PCLAF: variants seen among roughly 807,000 people sequenced by gnomAD.
PCLAF encodes the protein PCNA clamp associated factor.
In PCLAF, 12 loss-of-function variants were observed where a neutral mutation model predicts 15.1. The ratio of observed to expected loss-of-function variants is 0.79; its 90% CI spans 0.51 to 1.29. The LOEUF is 1.29. Ranked by LOEUF, PCLAF falls within the 50% of genes most tolerant of loss-of-function variation. The pLI is 0.00. For missense variants in PCLAF, 116 were observed against 130.9 expected (o/e 0.89, Z 0.56); for synonymous variants, 33 against 47.1 (o/e 0.70, Z 1.22).
At position 64,365,425 on chromosome 15, in the gene PCLAF, A is replaced by G. The variant is rs1898991117; in HGVS notation, c.*605T>C. 6.5e-6 allele frequency: 1 copy of G among 153,292 alleles called. No homozygotes were observed. Among genetic ancestry groups the G allele is most frequent in the Non-Finnish European group, 1.5e-5 (1 of 68,926 alleles). The allele number at this position is 153,292 out of a possible 1,614,324, so 9.5% of individuals were successfully genotyped here. On this transcript the variant is annotated 3_prime_UTR_variant, in exon 4 of 4. Transcript: ENST00000300035. Reference sequence around the variant, plus strand: ...ACTGTGCCCACCATGATTCTATCCTAGTATTTTATCTTTTTTCTTGTTGTT... The same window carrying G: ...ACTGTGCCCACCATGATTCTATCCTGGTATTTTATCTTTTTTCTTGTTGTT...
upstream of PCLAF, chr15:64,382,849 G>T (rs140081232): frequency 1.4e-3 from 386 of 281,040 alleles, 1 homozygote; most frequent in African/African-American, 8.5e-3. Flanking sequence ...AAAATTAGCT[G>T]GGAGTGGCGG....
chr15:64,375,040 C>T lies in PCLAF; in HGVS notation c.290+1703G>A, dbSNP rs116368547. Among the ~76,000 whole-genome samples, 1,268 of 152,134 alleles carry T rather than the reference C, an allele frequency of 8.3e-3. 19 individuals are homozygous for T. Among genetic ancestry groups the T allele is most frequent in the African/African-American group, 0.029 (1,190 of 41,510 alleles). ...ACAGAGAAGTTGTAAAGACAATACA[C>T]CATGGTATTATTCCTAGTTGGTTCT... On this transcript the variant is annotated intron_variant, in intron 3 of 3. Coordinates refer to ENST00000300035, the MANE Select transcript of PCLAF (RefSeq NM_014736.6).
At chr15:64,377,043 T>A in intron 2 of PCLAF, 138 bp from the exon 3 acceptor site, 1 of 663,868 alleles carries the variant, frequency 1.5e-6, no homozygotes, top group East Asian at 2.8e-5. Context: ...ACTTAAAGAA[T>A]TAGAAAATGT....
intron 3 of PCLAF, chr15:64,373,805 G>A (rs768253538): frequency 3.5e-5 from 53 of 1,530,668 alleles, no homozygotes; most frequent in Non-Finnish European, 4.5e-5. Flanking sequence ...TATATTCAAG[G>A]GGCATCATAA....
intron 3 of PCLAF, among the ~76,000 whole-genome samples, chr15:64,368,327 C>T (rs1485119688): frequency 6.6e-6 from 1 of 151,948 alleles, no homozygotes; most frequent in African/African-American, 2.4e-5. Flanking sequence ...GTAAAAAAAA[C>T]AAAAACAAAA....
chr15:64,369,347 C>A (rs1472907631), intron 3 of PCLAF, among the ~76,000 whole-genome samples: 3 of 104,010 alleles, frequency 2.9e-5, no homozygotes, highest in South Asian at 3.0e-4. Flanking sequence ...AGTAACAGAG[C>A]AAAATCCTGT....
upstream of PCLAF, among the ~76,000 whole-genome samples, chr15:64,385,767 C>G (rs1336268896): frequency 1.3e-5 from 2 of 152,078 alleles, no homozygotes; most frequent in Non-Finnish European, 2.9e-5. Context: ...GATCTGCTCT[C>G]AATGTGAGCG....
At chr15:64,372,790 G>T (rs1265013771) in intron 3 of PCLAF, among the ~76,000 whole-genome samples, 1 of 152,120 alleles carries the variant, frequency 6.6e-6, no homozygotes, top group Non-Finnish European at 1.5e-5. Context: ...TGGCCAACAT[G>T]GTGAATCCCA....
upstream of PCLAF, chr15:64,381,564 T>G: frequency 6.9e-7 from 1 of 1,440,662 alleles, no homozygotes; most frequent in Non-Finnish European, 9.2e-7. Context: ...CAATGCCCAG[T>G]GGTGACAGCG....
chr15:64,379,217 C>G (rs753839109), intron 2 of PCLAF, among the ~76,000 whole-genome samples: 2 of 152,074 alleles, frequency 1.3e-5, no homozygotes, highest in Non-Finnish European at 2.9e-5. Flanking sequence ...TGGCTCACGT[C>G]TGTAATCCCA....
At chr15:64,377,389 C>A (rs1283738396) in intron 2 of PCLAF, among the ~76,000 whole-genome samples, 1 of 146,018 alleles carries the variant, frequency 6.8e-6, no homozygotes, top group African/African-American at 2.5e-5. Flanking sequence ...ATCACTTGAA[C>A]CAGCGAGTCG....
chr15:64,366,949 G>T (rs575106451), intron 3 of PCLAF, among the ~76,000 whole-genome samples: 1 of 151,706 alleles, frequency 6.6e-6, no homozygotes, highest in Non-Finnish European at 1.5e-5. Context: ...CTCCAGCCTC[G>T]GGGACAGAGA....
At position 64,381,272 on chromosome 15, in the gene PCLAF, C is replaced by T. The variant is rs559409372; in HGVS notation, c.46+54G>A. ...GACCTCTGGCGTCTGTCGCCCGTGG[C>T]CAGGCTGCCGGGAGGACCCCCCCGC... is the stretch of plus-strand genomic sequence containing the variant. On this transcript the variant is annotated intron_variant, in intron 1 of 3. Coordinates refer to ENST00000300035, the MANE Select transcript of PCLAF (RefSeq NM_014736.6). The T allele has an allele frequency of 6.2e-5, 100 of 1,603,118 alleles. 1 individual carries two copies. The East Asian group carries it at 2.1e-3, about 33-fold the overall frequency.
At chr15:64,379,985 T>C (rs1278277746) in intron 2 of PCLAF, among the ~76,000 whole-genome samples, 1 of 152,120 alleles carries the variant, frequency 6.6e-6, no homozygotes, top group Non-Finnish European at 1.5e-5. Context: ...TTAGTAGACA[T>C]TGCAATGAGC....
intron 2 of PCLAF, among the ~76,000 whole-genome samples, chr15:64,378,036 T>C (rs1341955925): frequency 2.0e-5 from 3 of 151,984 alleles, no homozygotes; most frequent in African/African-American, 7.3e-5. Flanking sequence ...GTTCATGCCA[T>C]TCTCCTGCCT....
At chr15:64,382,823 T>TAAAAATA (rs1555408015), upstream of PCLAF, 6 of 280,742 alleles carry the variant, frequency 2.1e-5, no homozygotes, top group Non-Finnish European at 2.8e-5. Flanking sequence ...AAAATAAAAA[T>TAAAAATA]AAAAATAAAA....
chr15:64,387,390 TAAATA>T (rs1463565649), intron 1 of PCLAF: 2 of 1,008,996 alleles, frequency 2.0e-6, no homozygotes, highest in South Asian at 2.0e-5. Context: ...TCAAAATAAA[TAAATA>T]AATTAATTAA....
At chr15:64,372,216 CCTA>C (rs373409417) in intron 3 of PCLAF, among the ~76,000 whole-genome samples, 145 of 152,270 alleles carry the variant, frequency 9.5e-4, no homozygotes, top group African/African-American at 3.4e-3. Flanking sequence ...ATAGGAAATG[CCTA>C]CTATTTCACT....
Position 64,381,416 on chromosome 15 carries a change from A to G in PCLAF, c.-45T>C, listed in dbSNP as rs11554310. On this transcript the variant is annotated 5_prime_UTR_variant, in exon 1 of 4. Transcript: ENST00000300035. The stretch of plus-strand genomic sequence containing the variant: ...AGAGGAGAGAACGAACTGACTTCCC[A>G]GCCGAGGGTGTTTCACTGGACAAGG... 0.058 allele frequency: 93,617 copies of G among 1,613,972 alleles called. 3,048 individuals carry two copies. Among genetic ancestry groups the G allele is most frequent in the South Asian group, 0.089 (8,090 of 91,082 alleles).
Sources: allele counts gnomAD v4.1 joint callset (sites outside exome capture counted in the v4.1 genomes callset), GRCh38; gene constraint gnomAD v4.1.1; transcripts MANE v1.5; gene names NCBI Gene and HGNC (gene_info 2026-07-23, HGNC 2026-07-21).